CENPM: variants seen among roughly 807,000 people sequenced by gnomAD.
CENPM encodes the protein interphase centromere complex protein 39.
CENPM carries 14 observed loss-of-function variants against 19.6 expected under a neutral mutation model. The ratio of observed to expected loss-of-function variants is 0.71; its 90% confidence interval spans 0.47 to 1.11. The LOEUF (loss-of-function observed/expected upper bound fraction) is 1.11. CENPM is among the 50% of genes most tolerant of loss of function. The probability of loss-of-function intolerance (pLI) is 0.00; values close to 1 mark genes in which losing one functional copy is unlikely to be tolerated. For missense variants in CENPM, 239 were observed against 228.4 expected (o/e 1.05, Z -0.30); for synonymous variants, 114 against 101.5 (o/e 1.12, Z -0.74).
chr22:41,943,360 C>G (rs972176959), intron 5 of CENPM, among the ~76,000 whole-genome samples: 3 of 152,168 alleles, frequency 2.0e-5, no homozygotes, highest in Admixed American at 6.6e-5. Flanking sequence ...ATATAAGATG[C>G]ACTCCAGATG....
intron 4 of CENPM, chr22:41,944,206 G>A (rs964954056): frequency 3.3e-6 from 3 of 911,598 alleles, no homozygotes; most frequent in Middle Eastern, 5.6e-4. Context: ...CACTATCTGA[G>A]GCAGGCGGAT....
At chr22:41,943,788 C>T (rs2077765766) in intron 4 of CENPM, 87 bp from the exon 5 acceptor site, 3 of 1,176,584 alleles carry the variant, frequency 2.5e-6, no homozygotes, top group Non-Finnish European at 3.7e-6. Context: ...ACTCACTTCC[C>T]CACTCTGGGG....
chr22:41,945,881 G>C (rs774013821), intron 3 of CENPM, 32 bp downstream of exon 3: 1 of 1,556,458 alleles, frequency 6.4e-7, no homozygotes, highest in African/African-American at 1.4e-5. Context: ...AGGCCTGCCT[G>C]AGCCCTGACT....
the CENPM span, among the ~76,000 whole-genome samples, chr22:41,929,442 G>A: frequency 6.6e-6 from 1 of 152,168 alleles, no homozygotes; most frequent in Admixed American, 6.5e-5. Flanking sequence ...GCCAGAGTCG[G>A]GAGAATTTAC....
intron 5 of CENPM, among the ~76,000 whole-genome samples, chr22:41,939,888 AAG>A (rs371722909): frequency 7.4e-5 from 4 of 54,274 alleles, no homozygotes; most frequent in Non-Finnish European, 1.4e-4. Context: ...AAAAGAAAGA[AAG>A]AAAGAAAGAA....
chr22:41,945,809 C>T, intron 3 of CENPM, 104 bp downstream of exon 3: 1 of 864,552 alleles, frequency 1.2e-6, no homozygotes, highest in Non-Finnish European at 1.8e-6. Context: ...CTCAGCCAGC[C>T]TCTCCCATCC....
chr22:41,935,197 G>A (rs1320626056), downstream of CENPM, among the ~76,000 whole-genome samples: 4 of 152,202 alleles, frequency 2.6e-5, no homozygotes, highest in Admixed American at 2.6e-4. Context: ...TGGAGAATGC[G>A]ATGCCACTTC....
the CENPM span, among the ~76,000 whole-genome samples, chr22:41,928,919 T>A: frequency 6.6e-6 from 1 of 151,812 alleles, no homozygotes. This position sits in a 1 kb window ranked among gnomAD's most constrained non-coding sequence, Gnocchi z 4.0. Flanking sequence ...CCCCCAGGTT[T>A]CCAGCTTGGG....
the CENPM span, among the ~76,000 whole-genome samples, chr22:41,930,251 A>G: frequency 8.8e-5 from 13 of 147,804 alleles, no homozygotes. Flanking sequence ...TTTTTTTGAG[A>G]CGGAGTCTGG....
At position 41,945,924 on chromosome 22, in the gene CENPM, G is replaced by C; in HGVS notation, c.219C>G (p.His73Gln). The change falls in exon 3 of 6, where the codon CAC becomes CAG. Residue 73 changes from histidine (H) to glutamine (Q), a missense_variant. Physicochemically the swap from His to Gln is conservative, Grantham distance 24. Coordinates refer to ENST00000215980, the MANE Select transcript of CENPM (RefSeq NM_024053.5). ...IDLIVFVVNL[H>Q]SKYSLQNTEE... The stretch of plus-strand genomic sequence containing the variant: ...CCTCTGGCTCTCACCTGTATTTGCT[G>C]TGAAGATTAACCACAAACACGATCA... The C allele has an allele frequency of 6.2e-7, 1 of 1,613,738 alleles. No individual in the cohort carries two copies. The highest frequency in any genetic ancestry group is 8.5e-7 in the Non-Finnish European group (1 of 1,179,726).
At chr22:41,940,035 G>A in intron 5 of CENPM, 1 of 666,420 alleles carries the variant, frequency 1.5e-6, no homozygotes. Flanking sequence ...CCCTCCAGCA[G>A]CTCCCCACCA....
At position 41,947,124 on chromosome 22, in the gene CENPM, C is replaced by T. The variant is rs1412804020; in HGVS notation, c.-48G>A. On this transcript the variant is annotated 5_prime_UTR_variant, in exon 1 of 6. Coordinates refer to ENST00000215980, the MANE Select transcript of CENPM (RefSeq NM_024053.5). ...GCTCCTGCGGTGCGCGCCGATCTTT[C>T]AAACCGCCCTGAGTCCAGCCCCTAG... 1 of 1,594,358 alleles carries T rather than the reference C, an allele frequency of 6.3e-7. No individual in the cohort carries two copies. Among genetic ancestry groups the T allele is most frequent in the South Asian group, 1.1e-5 (1 of 90,190 alleles).
chr22:41,935,215 AAATGGTACCAGGTGGC>A (rs2077678671), downstream of CENPM, among the ~76,000 whole-genome samples: 1 of 152,162 alleles, frequency 6.6e-6, no homozygotes, highest in Non-Finnish European at 1.5e-5. Context: ...TTCTCTTGTT[AAATGGTACCAGGTGGC>A]AAGGAAAATG....
chr22:41,946,835 G>A lies in CENPM; in HGVS notation c.57+185C>T, dbSNP rs79021997. On this transcript the variant is annotated intron_variant, in intron 1 of 5. Transcript: ENST00000215980. ...GGGTCCGCCGAGCACCTATTGGTGGGTGCGTCCCTCAACCTCAGAGAGCGG... is the reference window on the plus strand; with the variant it reads ...GGGTCCGCCGAGCACCTATTGGTGGATGCGTCCCTCAACCTCAGAGAGCGG... 6.9e-3 allele frequency: 4,364 copies of A among 628,384 alleles called. 20 individuals are homozygous for A. The highest frequency in any genetic ancestry group is 9.5e-3 in the Non-Finnish European group (3,324 of 348,600). 38.9% of individuals were successfully genotyped at this position (628,384 alleles called of 1,614,324 possible).
chr22:41,938,721 T>A (rs1426164219), downstream of CENPM: 1 of 235,216 alleles, frequency 4.3e-6, no homozygotes. Flanking sequence ...AAAGTCAAAG[T>A]GGTGAATGAG....
downstream of CENPM, among the ~76,000 whole-genome samples, chr22:41,933,784 G>A (rs929932533): frequency 3.3e-5 from 5 of 152,158 alleles, no homozygotes; most frequent in African/African-American, 9.7e-5. Flanking sequence ...TCCAGAAAAC[G>A]TCCCTTTGTG....
At chr22:41,933,623 G>A in the CENPM span, among the ~76,000 whole-genome samples, 1 of 152,098 alleles carries the variant, frequency 6.6e-6, no homozygotes, top group Non-Finnish European at 1.5e-5. Context: ...TACTCAGGTG[G>A]GACCCGCAGA....
At chr22:41,946,326 G>T (rs780544681) in intron 2 of CENPM, 91 bp downstream of exon 2, 36 of 1,098,568 alleles carry the variant, frequency 3.3e-5, no homozygotes, top group Non-Finnish European at 4.7e-5. Context: ...CCTCAGAGGA[G>T]GGGGCGCTGG....
At chr22:41,944,920 C>A in intron 4 of CENPM, 2 of 1,217,950 alleles carry the variant, frequency 1.6e-6, no homozygotes, top group East Asian at 8.8e-5. Flanking sequence ...TATATGTGTT[C>A]TTTCGGTTTT....
Sources: gnomAD v4.1 joint callset for allele counts (sites outside exome capture counted in the v4.1 genomes callset) on GRCh38, gnomAD v4.1.1 for gene constraint, Gnocchi (gnomAD v3.1) non-coding constraint, MANE v1.5 for transcripts, NCBI Gene and HGNC (gene_info 2026-07-23, HGNC 2026-07-21) for gene names.